The following LARP1B variants were observed in gnomAD, a reference collection of about 807,000 sequenced individuals.
LARP1B encodes la-related protein 1B.
LARP1B carries 76 observed loss-of-function variants against 114.2 expected under a neutral mutation model. The ratio of observed to expected loss-of-function variants is 0.67; its 90% CI spans 0.55 to 0.81. The LOEUF (loss-of-function observed/expected upper bound fraction) is 0.81, where lower values mean the gene tolerates loss of function less well. Ranked by LOEUF, LARP1B falls within the 30% of genes least tolerant of loss-of-function variation. The pLI is 0.00. For synonymous variants in LARP1B, 345 were observed against 348.0 expected, an observed-to-expected ratio of 0.99 and a Z score of 0.10; for missense variants, 1,014 against 1,075.8, an observed-to-expected ratio of 0.94 and a Z score of 0.80.
exon 7 of LARP1B, chr4:128,220,410 A>C (rs1267551529): frequency 1.1e-6 from 1 of 922,370 alleles, no homozygotes; most frequent in East Asian, 1.2e-4. Flanking sequence ...GGCAAAACGG[A>C]ATGTCAGATC....
chr4:128,200,875 A>C (rs1201554560), intron 17 of LARP1B, among the ~76,000 whole-genome samples: 1 of 152,184 alleles, frequency 6.6e-6, no homozygotes, highest in Non-Finnish European at 1.5e-5. Flanking sequence ...AATTACCCCA[A>C]AACTCCATAG....
chr4:128,098,888 C>T (rs1779254285), intron 8 of LARP1B, among the ~76,000 whole-genome samples: 1 of 147,678 alleles, frequency 6.8e-6, no homozygotes, highest in Non-Finnish European at 1.5e-5. Flanking sequence ...AGCGATTCTC[C>T]TGCCTCAGCC....
chr4:128,088,004 A>G (rs540360791), intron 5 of LARP1B, among the ~76,000 whole-genome samples: 32 of 152,108 alleles, frequency 2.1e-4, no homozygotes, highest in African/African-American at 7.2e-4. Context: ...TATTGAATAT[A>G]TAAGAAAATA....
intron 1 of LARP1B, among the ~76,000 whole-genome samples, chr4:128,064,766 G>C (rs528277723): frequency 3.3e-5 from 5 of 152,138 alleles, no homozygotes; most frequent in Non-Finnish European, 5.9e-5. Flanking sequence ...ACATGGTAGT[G>C]TGTGCCTGTA....
At chr4:128,145,713 C>G (rs796568968) in intron 11 of LARP1B, among the ~76,000 whole-genome samples, 3 of 152,180 alleles carry the variant, frequency 2.0e-5, no homozygotes, top group South Asian at 2.1e-4. Flanking sequence ...GGAAATTGTA[C>G]CCAGAAATAG....
At chr4:128,106,902 C>G (rs6839370) in intron 8 of LARP1B, among the ~76,000 whole-genome samples, 91,590 of 151,898 alleles carry the variant, frequency 0.6, 28,490 homozygotes, top group Middle Eastern at 0.8. Context: ...AATGACTGTT[C>G]TAATTGTGAA....
intron 4 of LARP1B, among the ~76,000 whole-genome samples, 178 bp from the exon 5 acceptor site, chr4:128,081,987 C>T (rs886126320): frequency 2.1e-4 from 32 of 152,208 alleles, no homozygotes; most frequent in African/African-American, 7.5e-4. Context: ...CCGCCCACCG[C>T]GGCCTCCCAA....
chr4:128,103,146 G>C (rs1390563767), intron 8 of LARP1B, among the ~76,000 whole-genome samples: 1 of 152,106 alleles, frequency 6.6e-6, no homozygotes, highest in African/African-American at 2.4e-5. Flanking sequence ...CATTGTTTAG[G>C]AGTTCAGGAT....
At chr4:128,172,937 A>ATGTGTGTGTGTGTGTGTG (rs57382183) in intron 12 of LARP1B, among the ~76,000 whole-genome samples, 23 of 137,094 alleles carry the variant, frequency 1.7e-4, no homozygotes, top group African/African-American at 5.8e-4. Flanking sequence ...ATCCCATCCA[A>ATGTGTGTGTGTGTGTGTG]TGTGTGTGTG....
At chr4:128,162,672 G>A (rs543071218) in intron 12 of LARP1B, among the ~76,000 whole-genome samples, 1 of 152,240 alleles carries the variant, frequency 6.6e-6, no homozygotes, top group East Asian at 1.9e-4. Context: ...TTAGCTCTGT[G>A]TGAGAGTGTA....
intron 10 of LARP1B, among the ~76,000 whole-genome samples, chr4:128,119,306 A>G (rs1039074295): frequency 6.6e-6 from 1 of 152,136 alleles, no homozygotes; most frequent in African/African-American, 2.4e-5. Flanking sequence ...TTTCTCTGGG[A>G]TGTAGAATTT....
intron 15 of LARP1B, among the ~76,000 whole-genome samples, chr4:128,195,734 T>C (rs1561546584): frequency 6.6e-6 from 1 of 152,164 alleles, no homozygotes; most frequent in Non-Finnish European, 1.5e-5. Flanking sequence ...ATCGGCAACC[T>C]AGCTTTATAC....
intron 4 of LARP1B, 88 bp downstream of exon 4, chr4:128,078,050 T>A: frequency 1.2e-6 from 1 of 857,716 alleles, no homozygotes; most frequent in Non-Finnish European, 1.7e-6. Context: ...TCTCTGGTAG[T>A]CAAAAATGTA....
At chr4:128,065,253 A>ATTAATTTATTTCTTTC (rs1553982285) in intron 1 of LARP1B, among the ~76,000 whole-genome samples, 1 of 89,544 alleles carries the variant, frequency 1.1e-5, no homozygotes, top group African/African-American at 4.2e-5. Flanking sequence ...CCCACAATTA[A>ATTAATTTATTTCTTTC]TTTCTTTCTT....
At chr4:128,063,874 A>G (rs1761397111) in intron 1 of LARP1B, among the ~76,000 whole-genome samples, 1 of 152,238 alleles carries the variant, frequency 6.6e-6, no homozygotes, top group Admixed American at 6.5e-5. Context: ...TTTACTTGCA[A>G]GTCTTCATTT....
At chr4:128,181,627 T>C (rs1314234207) in intron 15 of LARP1B, among the ~76,000 whole-genome samples, 2 of 152,190 alleles carry the variant, frequency 1.3e-5, no homozygotes, top group Non-Finnish European at 2.9e-5. Flanking sequence ...ACAGGTATAC[T>C]TTGTTTTGTT....
At chr4:128,189,500 A>G (rs1460419527) in intron 15 of LARP1B, among the ~76,000 whole-genome samples, 2 of 151,654 alleles carry the variant, frequency 1.3e-5, no homozygotes, top group African/African-American at 2.4e-5. Flanking sequence ...TTTTGGTTGG[A>G]GAATTTAGTT....
At chr4:128,197,224 C>T (rs1440354814) in intron 15 of LARP1B, among the ~76,000 whole-genome samples, 15 of 152,114 alleles carry the variant, frequency 9.9e-5, no homozygotes, top group Admixed American at 9.8e-4. Context: ...TTTTACCACA[C>T]ATGTACACAC....
At chr4:128,182,419 T>C (rs190326479) in intron 15 of LARP1B, among the ~76,000 whole-genome samples, 1 of 152,258 alleles carries the variant, frequency 6.6e-6, no homozygotes, top group African/African-American at 2.4e-5. Flanking sequence ...TACTATTTTG[T>C]ATTTTATGGT....
Sources: gnomAD v4.1 joint callset for allele counts (sites outside exome capture counted in the v4.1 genomes callset) on GRCh38, gnomAD v4.1.1 for gene constraint, MANE v1.5 for transcripts, NCBI Gene and HGNC (gene_info 2026-07-23, HGNC 2026-07-21) for gene names.